Variants in ASTN2 observed in about 807,000 individuals in gnomAD.
The protein encoded by ASTN2 is astrotactin-2.
In ASTN2, 54 loss-of-function variants were observed where a neutral mutation model predicts 139.8. The observed-to-expected ratio is 0.39, with a 90% CI of 0.31 to 0.48. The LOEUF is 0.48. ASTN2 is among the 20% of genes least tolerant of loss of function. The pLI is 0.95. For missense variants in ASTN2, 1,565 were observed against 1,725.1 expected, an observed-to-expected ratio of 0.91 and a Z score of 1.64; for synonymous variants, 756 against 719.5, an observed-to-expected ratio of 1.05 and a Z score of -0.81.
intron 16 of ASTN2, among the ~76,000 whole-genome samples, chr9:116,658,330 A>G (rs2131948795): frequency 6.6e-6 from 1 of 152,268 alleles, no homozygotes; most frequent in African/African-American, 2.4e-5. Flanking sequence ...GAACAGAAGG[A>G]GCTGCATGGG....
chr9:116,561,420 C>A (rs1852908778), intron 19 of ASTN2, among the ~76,000 whole-genome samples: 1 of 152,136 alleles, frequency 6.6e-6, no homozygotes, highest in African/African-American at 2.4e-5. Flanking sequence ...TTTCTCATTT[C>A]TCCACTATAC....
rs564196184 is a variant in ASTN2, at chr9:116,800,564, C to T, written c.2396+5068G>A. Among the ~76,000 whole-genome samples the T allele has an allele frequency of 6.6e-5, 10 of 150,658 alleles. No individual in the cohort carries two copies. In the East Asian group the frequency reaches 1.8e-3, roughly 27 times the overall value. ...ATCCCTCCTTAGTTATAAATTTGGT[C>T]TCCCCCTGTGGCACCTGGGTCCTCA... On this transcript the variant is annotated intron_variant, in intron 13 of 22. Coordinates refer to ENST00000313400, the MANE Select transcript of ASTN2 (RefSeq NM_001365068.1).
chr9:117,014,103 T>C (rs536354148), intron 6 of ASTN2, among the ~76,000 whole-genome samples: 63 of 152,246 alleles, frequency 4.1e-4, no homozygotes, highest in Non-Finnish European at 8.1e-4. Flanking sequence ...CCACGGGTCC[T>C]AGCTGTCTTG....
chr9:116,900,431 C>T (rs1833979496), intron 10 of ASTN2, among the ~76,000 whole-genome samples: 2 of 152,118 alleles, frequency 1.3e-5, no homozygotes, highest in Non-Finnish European at 2.9e-5. Flanking sequence ...ACATTTATGG[C>T]TGCCTGGAGT....
rs1196872536 is a variant in ASTN2 at position 116,600,329 on chromosome 9, AAAAAAAAAAAAAAAAAAAG to A, written c.3355+17976_3355+17994del. Among the ~76,000 whole-genome samples, 12 of 41,248 alleles carry A rather than the reference AAAAAAAAAAAAAAAAAAAG, an allele frequency of 2.9e-4. No individual in the cohort carries two copies. In the South Asian group the frequency reaches 0.012, roughly 42 times the overall value. 27.1% of individuals were successfully genotyped at this position (41,248 alleles called of 152,430 possible). A position where few individuals can be genotyped will look rare whatever the true frequency, so the allele number is the denominator to read the frequency against. On this transcript the variant is annotated intron_variant, in intron 19 of 22. Transcript: ENST00000313400. ...ACAGAATGAGACCCTGTCTCAAAAA[AAAAAAAAAAAAAAAAAAAG>A]AAAGAAAGAAAGAAAGAAAAAGAAA...
intron 11 of ASTN2, among the ~76,000 whole-genome samples, chr9:116,829,905 A>G (rs1433741492): frequency 6.6e-6 from 1 of 152,224 alleles, no homozygotes; most frequent in East Asian, 1.9e-4. Flanking sequence ...TAAGACCTGA[A>G]ACTATAAAAA....
At chr9:117,098,962 G>C (rs969778403) in intron 4 of ASTN2, among the ~76,000 whole-genome samples, 10 of 151,934 alleles carry the variant, frequency 6.6e-5, no homozygotes, top group African/African-American at 2.4e-4. Context: ...CAAAAAATTA[G>C]CCGGGTGTGG....
intron 10 of ASTN2, among the ~76,000 whole-genome samples, chr9:116,889,714 T>G (rs571299648): frequency 7.0e-6 from 1 of 142,876 alleles, no homozygotes; most frequent in South Asian, 2.3e-4. Flanking sequence ...AGCAAGACCT[T>G]GTCTCTACAC....
chr9:116,476,706 A>G (rs964466608), intron 20 of ASTN2, among the ~76,000 whole-genome samples: 7 of 152,220 alleles, frequency 4.6e-5, no homozygotes, highest in African/African-American at 1.4e-4. Flanking sequence ...ATGTTTCCTG[A>G]GACTGTGCTG....
At chr9:117,065,533 T>C (rs1827910128) in intron 5 of ASTN2, among the ~76,000 whole-genome samples, 1 of 152,176 alleles carries the variant, frequency 6.6e-6, no homozygotes, top group South Asian at 2.1e-4. Context: ...ACTCATTTTT[T>C]AGTTACCTGT....
intron 3 of ASTN2, among the ~76,000 whole-genome samples, chr9:117,169,324 T>C (rs1173122702): frequency 6.6e-6 from 1 of 152,134 alleles, no homozygotes; most frequent in Non-Finnish European, 1.5e-5. Context: ...TGTGACAGGA[T>C]TTATAAATAA....
At chr9:117,107,161 CTATTGACATAGTAGAAT>C (rs1289796922) in intron 4 of ASTN2, among the ~76,000 whole-genome samples, 1 of 152,144 alleles carries the variant, frequency 6.6e-6, no homozygotes, top group Non-Finnish European at 1.5e-5. Flanking sequence ...AAAAGTTCTA[CTATTGACATAGTAGAAT>C]TACTATGTCA....
At chr9:116,933,663 A>G (rs1455125367) in intron 10 of ASTN2, among the ~76,000 whole-genome samples, 1 of 151,940 alleles carries the variant, frequency 6.6e-6, no homozygotes, top group Non-Finnish European at 1.5e-5. Context: ...GAAAAAAAAA[A>G]GGCAATGAAA....
intron 2 of ASTN2, among the ~76,000 whole-genome samples, chr9:117,216,611 A>G (rs1373028789): frequency 1.3e-5 from 2 of 152,214 alleles, no homozygotes; most frequent in Admixed American, 1.3e-4. Flanking sequence ...TGTATATATC[A>G]CCTTAAAAAA....
chr9:117,363,568 C>T (rs1293669638), intron 1 of ASTN2, among the ~76,000 whole-genome samples: 2 of 152,112 alleles, frequency 1.3e-5, no homozygotes, highest in Admixed American at 6.5e-5. Context: ...GTATGAAATG[C>T]CAGCAGAACA....
intron 5 of ASTN2, among the ~76,000 whole-genome samples, chr9:117,092,021 A>G (rs974942068): frequency 1.3e-5 from 2 of 152,112 alleles, no homozygotes; most frequent in Admixed American, 6.6e-5. Context: ...GTTATAAAGG[A>G]GATACTCATT....
intron 6 of ASTN2, among the ~76,000 whole-genome samples, chr9:117,011,843 C>G (rs907850464): frequency 6.6e-6 from 1 of 152,170 alleles, no homozygotes; most frequent in Admixed American, 6.5e-5. Context: ...GCCTTCGAAG[C>G]TGGAACATTT....
intron 13 of ASTN2, among the ~76,000 whole-genome samples, chr9:116,770,213 AT>A (rs1829921540): frequency 6.6e-6 from 1 of 152,066 alleles, no homozygotes; most frequent in South Asian, 2.1e-4. Flanking sequence ...GAGAACATAG[AT>A]GGGGGTTGGT....
At chr9:116,733,089 A>T (rs1191622135) in intron 14 of ASTN2, among the ~76,000 whole-genome samples, 2 of 152,218 alleles carry the variant, frequency 1.3e-5, no homozygotes, top group Admixed American at 6.5e-5. Context: ...TGTCAATGAG[A>T]ATGAAAAGTG....
Sources: allele counts gnomAD v4.1 joint callset (sites outside exome capture counted in the v4.1 genomes callset), GRCh38; gene constraint gnomAD v4.1.1; transcripts MANE v1.5; gene names NCBI Gene and HGNC (gene_info 2026-07-23, HGNC 2026-07-21).